Variants in PCCA observed in about 807,000 individuals in gnomAD.
PCCA encodes propionyl-CoA carboxylase subunit alpha, also known as propionyl-CoA carboxylase alpha chain, mitochondrial.
In PCCA, 74 loss-of-function variants were observed where a neutral mutation model predicts 101.3. The ratio of observed to expected loss-of-function variants is 0.73; its 90% CI spans 0.61 to 0.89. The LOEUF (loss-of-function observed/expected upper bound fraction) is 0.89, where lower values mean the gene tolerates loss of function less well. PCCA is among the 40% of genes least tolerant of loss of function. The pLI is 0.00. For synonymous variants in PCCA, 294 were observed against 313.6 expected (o/e 0.94, Z 0.66); for missense variants, 891 against 907.0 (o/e 0.98, Z 0.23).
intron 6 of PCCA, among the ~76,000 whole-genome samples, chr13:100,195,134 G>A (rs1395683225): frequency 2.6e-5 from 4 of 151,960 alleles, no homozygotes; most frequent in Non-Finnish European, 4.4e-5. Context: ...TAAAATAAAA[G>A]CATTTTATAT....
At chr13:100,384,809 G>A (rs556687022) in intron 19 of PCCA, among the ~76,000 whole-genome samples, 17 of 152,100 alleles carry the variant, frequency 1.1e-4, no homozygotes, top group African/African-American at 3.9e-4. Context: ...ATACAGAGAA[G>A]GCAGACAGAA....
Position 100,503,360 on chromosome 13 carries a change from C to T in PCCA, c.1900-12067C>T, listed in dbSNP as rs771619344. 6.4e-4 allele frequency among the ~76,000 whole-genome samples: 98 copies of T among 152,108 alleles called. 1 individual carries two copies. Among genetic ancestry groups the T allele is most frequent in the African/African-American group, 1.4e-3 (57 of 41,488 alleles). ...ACAAAATTAGTTGGGTGTGGTGGCG[C>T]GTGCCTGTAATCCCAGCTACTCGGG... is the stretch of plus-strand genomic sequence containing the variant. On this transcript the variant is annotated intron_variant, in intron 21 of 23. Transcript: ENST00000376285.
intron 4 of PCCA, among the ~76,000 whole-genome samples, chr13:100,142,475 CT>C (rs772422421): frequency 1.8e-3 from 246 of 136,254 alleles, no homozygotes; most frequent in Non-Finnish European, 1.6e-3. Flanking sequence ...AATGAGCCTT[CT>C]TTTTTTTTTT....
In PCCA at chr13:100,354,065, C is replaced by T. The variant is rs200021249; in HGVS notation, c.1643+13806C>T. On this transcript the variant is annotated intron_variant, in intron 18 of 23. Transcript: ENST00000376285. ...ACTTCAGCCTAGAAGTTTGAGACCCCATCTCTACAAATAATAATAATAATA... is the reference window on the plus strand; with the variant it reads ...ACTTCAGCCTAGAAGTTTGAGACCCTATCTCTACAAATAATAATAATAATA... Among the ~76,000 whole-genome samples, 5 of 135,464 alleles carry T rather than the reference C, an allele frequency of 3.7e-5. No individual in the cohort carries two copies. In the East Asian group the frequency reaches 6.6e-4, roughly 18 times the overall value. 88.9% of individuals were successfully genotyped at this position (135,464 alleles called of 152,430 possible). A position where few individuals can be genotyped will look rare whatever the true frequency, so the allele number is the denominator to read the frequency against.
intron 21 of PCCA, among the ~76,000 whole-genome samples, chr13:100,510,843 C>G (rs2086426194): frequency 6.6e-6 from 1 of 152,236 alleles, no homozygotes; most frequent in Admixed American, 6.5e-5. Flanking sequence ...TAACAGGCTG[C>G]TCCAGCGACT....
intron 4 of PCCA, among the ~76,000 whole-genome samples, chr13:100,123,723 A>G (rs1285549218): frequency 6.6e-6 from 1 of 152,170 alleles, no homozygotes; most frequent in Non-Finnish European, 1.5e-5. Flanking sequence ...ATTAAAATAC[A>G]TTTTAATACA....
intron 8 of PCCA, among the ~76,000 whole-genome samples, chr13:100,251,916 G>A (rs1243837397): frequency 6.6e-6 from 1 of 152,126 alleles, no homozygotes; most frequent in Non-Finnish European, 1.5e-5. Flanking sequence ...GGGTTCTTCA[G>A]AAATATCATG....
intron 12 of PCCA, among the ~76,000 whole-genome samples, chr13:100,277,362 G>A (rs1029935895): frequency 6.6e-6 from 1 of 152,050 alleles, no homozygotes; most frequent in Non-Finnish European, 1.5e-5. Context: ...ATGACGTTAG[G>A]GCAAAAATGG....
At chr13:100,143,560 A>AAAT (rs2052171262) in intron 4 of PCCA, among the ~76,000 whole-genome samples, 1 of 151,640 alleles carries the variant, frequency 6.6e-6, no homozygotes. Flanking sequence ...ATAAAAAAAA[A>AAAT]AAATAAAAAT....
In PCCA at chr13:100,298,736, TTCCTTCCG is replaced by T. The variant is rs1313358805; in HGVS notation, c.1066-2716_1066-2709del. Among the ~76,000 whole-genome samples the T allele has an allele frequency of 1.1e-4, 13 of 115,214 alleles. 1 individual carries two copies. Among genetic ancestry groups the T allele is most frequent in the East Asian group, 7.8e-4 (3 of 3,856 alleles). The allele number at this position is 115,214 out of a possible 152,430, so 75.6% of individuals were successfully genotyped here. On this transcript the variant is annotated intron_variant, in intron 12 of 23. Coordinates refer to ENST00000376285, the MANE Select transcript of PCCA (RefSeq NM_000282.4). The stretch of plus-strand genomic sequence containing the variant: ...CTTCCTTCCTTCCTTCCTTCCTTCC[TTCCTTCCG>T]TCCTTCCTTCCGTCCTTTTGTTCCT...
At chr13:100,148,926 A>G (rs758297624) in intron 4 of PCCA, among the ~76,000 whole-genome samples, 2 of 152,344 alleles carry the variant, frequency 1.3e-5, no homozygotes, top group Admixed American at 6.5e-5. Context: ...CTACCATCCA[A>G]AATAACCATG....
chr13:100,148,804 G>T (rs1284180007), intron 4 of PCCA, among the ~76,000 whole-genome samples: 1 of 152,118 alleles, frequency 6.6e-6, no homozygotes, highest in Non-Finnish European at 1.5e-5. Context: ...AAAATGGGCT[G>T]GGAATTTTGC....
In PCCA at chr13:100,530,242, G is replaced by T; in HGVS notation, c.*76G>T. 1 of 1,170,096 alleles carries T rather than the reference G, an allele frequency of 8.5e-7. No homozygotes were observed. Among genetic ancestry groups the T allele is most frequent in the Non-Finnish European group, 1.3e-6 (1 of 779,934 alleles). The allele number at this position is 1,170,096 out of a possible 1,614,324, so 72.5% of individuals were successfully genotyped here. A position where few individuals can be genotyped will look rare whatever the true frequency, so the allele number is the denominator to read the frequency against. On this transcript the variant is annotated 3_prime_UTR_variant, in exon 24 of 24. Transcript: ENST00000376285. ...ATGCTTTCACACACAATTGATTCAA[G>T]CATTATACAGGAACACCCCTGTGCA... is the stretch of plus-strand genomic sequence containing the variant.
chr13:100,097,884 C>A (rs2046917600), intron 1 of PCCA, among the ~76,000 whole-genome samples: 1 of 152,086 alleles, frequency 6.6e-6, no homozygotes, highest in Non-Finnish European at 1.5e-5. Context: ...ATTAGTGGGG[C>A]ATGGTGACAT....
chr13:100,376,706 A>T (rs2075924787), intron 19 of PCCA, among the ~76,000 whole-genome samples: 1 of 152,188 alleles, frequency 6.6e-6, no homozygotes, highest in African/African-American at 2.4e-5. Flanking sequence ...GCTGGCAGTG[A>T]GAATTTCAAG....
At chr13:100,452,075 TCTCCTCTTC>T (rs1203850835) in intron 21 of PCCA, among the ~76,000 whole-genome samples, 1,751 of 113,656 alleles carry the variant, frequency 0.015, 110 homozygotes, top group African/African-American at 0.062. Flanking sequence ...CCTCTCCCTC[TCTCCTCTTC>T]CTCCTCTTCC....
At chr13:100,354,074 AAAT>A (rs35218503) in intron 18 of PCCA, among the ~76,000 whole-genome samples, 14,920 of 129,012 alleles carry the variant, frequency 0.12, 874 homozygotes, top group Admixed American at 0.16. Context: ...CCATCTCTAC[AAAT>A]AATAATAATA....
chr13:100,474,353 T>C (rs1249771679), intron 21 of PCCA, among the ~76,000 whole-genome samples: 7 of 152,246 alleles, frequency 4.6e-5, no homozygotes, highest in African/African-American at 1.4e-4. Context: ...ACACATTTTA[T>C]GTATTAGCCT....
intron 4 of PCCA, among the ~76,000 whole-genome samples, chr13:100,119,104 A>G (rs778416400): frequency 1.4e-4 from 21 of 151,658 alleles, no homozygotes; most frequent in Non-Finnish European, 2.5e-4. Flanking sequence ...CTTTGGTTAC[A>G]TTTGTCTTGT....
Sources: allele counts gnomAD v4.1 joint callset (sites outside exome capture counted in the v4.1 genomes callset), GRCh38; gene constraint gnomAD v4.1.1; transcripts MANE v1.5; gene names NCBI Gene and HGNC (gene_info 2026-07-23, HGNC 2026-07-21).